BCAS4: variants seen among roughly 807,000 people sequenced by gnomAD.
The protein encoded by BCAS4 is breast carcinoma-amplified sequence 4.
BCAS4 carries 9 observed loss-of-function variants against 15.7 expected under a neutral mutation model. The ratio of observed to expected loss-of-function variants is 0.57; its 90% CI spans 0.34 to 1.00. The LOEUF (loss-of-function observed/expected upper bound fraction) is 1.00. Ranked by LOEUF, BCAS4 falls within the 50% of genes least tolerant of loss-of-function variation. BCAS4 has a pLI of 0.02. For synonymous variants in BCAS4, 101 were observed against 99.5 expected, an observed-to-expected ratio of 1.02 and a Z score of -0.09; for missense variants, 225 against 239.1, an observed-to-expected ratio of 0.94 and a Z score of 0.39.
chr20:50,836,568 GC>G (rs2088412762), intron 3 of BCAS4, among the ~76,000 whole-genome samples: 1 of 152,184 alleles, frequency 6.6e-6, no homozygotes, highest in African/African-American at 2.4e-5. Flanking sequence ...GTTCTGCCCT[GC>G]CAGCCGGGGG....
intron 4 of BCAS4, among the ~76,000 whole-genome samples, chr20:50,859,495 G>C (rs929922950): frequency 6.6e-5 from 10 of 152,204 alleles, no homozygotes; most frequent in African/African-American, 2.2e-4. Context: ...GCCAGGGAGA[G>C]CCTCTGGGGA....
At chr20:50,873,024 G>C (rs1979733313) in intron 4 of BCAS4, among the ~76,000 whole-genome samples, 1 of 152,234 alleles carries the variant, frequency 6.6e-6, no homozygotes, top group African/African-American at 2.4e-5. Flanking sequence ...CACCGACAGA[G>C]CTTGTCTCCC....
chr20:50,862,885 G>C (rs1332025472), intron 4 of BCAS4, among the ~76,000 whole-genome samples: 2 of 152,132 alleles, frequency 1.3e-5, no homozygotes, highest in East Asian at 1.9e-4. Context: ...TGTCACCCAG[G>C]CTAGAATGCA....
intron 1 of BCAS4, among the ~76,000 whole-genome samples, chr20:50,810,891 TGAAA>T (rs917875404): frequency 1.3e-5 from 2 of 151,736 alleles, no homozygotes; most frequent in African/African-American, 4.8e-5. Context: ...TGCCCGGCCA[TGAAA>T]AAAATAGTTA....
At chr20:50,838,025 A>G (rs552674314) in intron 3 of BCAS4, among the ~76,000 whole-genome samples, 1 of 150,114 alleles carries the variant, frequency 6.7e-6, no homozygotes, top group East Asian at 2.0e-4. Context: ...CACACACATG[A>G]CGTGGCTGAT....
intron 1 of BCAS4, among the ~76,000 whole-genome samples, chr20:50,804,437 T>C (rs1458820856): frequency 6.6e-6 from 1 of 152,254 alleles, no homozygotes; most frequent in Non-Finnish European, 1.5e-5. Flanking sequence ...ATTGTTTGTC[T>C]GAATGACACT....
At chr20:50,853,602 C>G (rs1389345289) in intron 4 of BCAS4, among the ~76,000 whole-genome samples, 8 of 150,746 alleles carry the variant, frequency 5.3e-5, no homozygotes, top group African/African-American at 9.8e-5. Context: ...AGCAAGGATG[C>G]AGACCAGGCC....
intron 2 of BCAS4, 43 bp from the exon 3 acceptor site, chr20:50,830,236 G>A (rs756241147): frequency 6.5e-7 from 1 of 1,538,962 alleles, no homozygotes; most frequent in Admixed American, 1.7e-5. Context: ...GGAGGACACA[G>A]TGATGGGGCA....
chr20:50,867,245 A>C (rs6020805), intron 4 of BCAS4, among the ~76,000 whole-genome samples: 4,207 of 152,128 alleles, frequency 0.028, 176 homozygotes, highest in African/African-American at 0.092. Flanking sequence ...CCCATACTAC[A>C]TTCAGTCATC....
At chr20:50,808,585 G>C (rs190287821) in intron 1 of BCAS4, among the ~76,000 whole-genome samples, 18 of 152,236 alleles carry the variant, frequency 1.2e-4, no homozygotes, top group African/African-American at 4.3e-4. Flanking sequence ...TTGTGGTTTG[G>C]ATTTGCATTT....
intron 1 of BCAS4, among the ~76,000 whole-genome samples, chr20:50,816,222 C>T (rs1039374543): frequency 5.3e-5 from 8 of 152,050 alleles, no homozygotes; most frequent in Non-Finnish European, 8.8e-5. Flanking sequence ...GACGGGGTTT[C>T]GCCATGTTGG....
chr20:50,859,384 C>T (rs779408423), intron 4 of BCAS4, among the ~76,000 whole-genome samples: 19 of 152,170 alleles, frequency 1.2e-4, no homozygotes, highest in African/African-American at 4.6e-4. Context: ...GAGTAGAGGC[C>T]GCCTGCTCCT....
chr20:50,799,948 G>A (rs1421788666), intron 1 of BCAS4, among the ~76,000 whole-genome samples: 1 of 152,208 alleles, frequency 6.6e-6, no homozygotes, highest in East Asian at 1.9e-4. Flanking sequence ...TAGAGAGGCC[G>A]AGATGGGAAG....
chr20:50,812,171 T>G (rs1028967007), intron 1 of BCAS4, among the ~76,000 whole-genome samples: 1 of 151,564 alleles, frequency 6.6e-6, no homozygotes, highest in African/African-American at 2.4e-5. Context: ...CTCACTCTGT[T>G]GCCCAGGCTG....
At chr20:50,862,324 ATC>A (rs1325898794) in intron 4 of BCAS4, among the ~76,000 whole-genome samples, 1 of 151,632 alleles carries the variant, frequency 6.6e-6, no homozygotes, top group Non-Finnish European at 1.5e-5. Flanking sequence ...CATGATGTTC[ATC>A]TCTGTTTCCA....
At chr20:50,852,081 C>T (rs909341568) in intron 4 of BCAS4, among the ~76,000 whole-genome samples, 1 of 152,246 alleles carries the variant, frequency 6.6e-6, no homozygotes, top group Non-Finnish European at 1.5e-5. Flanking sequence ...ATCCCCAGGC[C>T]ACCCGGTACG....
chr20:50,802,211 GA>G (rs1262778232), intron 1 of BCAS4, among the ~76,000 whole-genome samples: 3 of 151,954 alleles, frequency 2.0e-5, no homozygotes, highest in Non-Finnish European at 4.4e-5. Context: ...AATAATAAAT[GA>G]AAAGATTCAT....
chr20:50,800,072 A>G (rs569055954), intron 1 of BCAS4, among the ~76,000 whole-genome samples: 2 of 152,250 alleles, frequency 1.3e-5, no homozygotes, highest in East Asian at 3.9e-4. Context: ...ATGAAACCGT[A>G]ACAAAACCTC....
intron 4 of BCAS4, among the ~76,000 whole-genome samples, chr20:50,861,746 C>A (rs776874801): frequency 4.6e-5 from 7 of 152,118 alleles, no homozygotes; most frequent in African/African-American, 9.7e-5. Flanking sequence ...CTTCCCTCCC[C>A]CTATGTGGCT....
Sources: allele counts gnomAD v4.1 joint callset (sites outside exome capture counted in the v4.1 genomes callset), GRCh38; gene constraint gnomAD v4.1.1; transcripts MANE v1.5; gene names NCBI Gene and HGNC (gene_info 2026-07-23, HGNC 2026-07-21).